CD96: variants seen among roughly 807,000 people sequenced by gnomAD.
The protein encoded by CD96 is CD96 molecule.
Under a neutral mutation model 71.3 loss-of-function variants are expected in CD96, and 70 were observed. The ratio of observed to expected loss-of-function variants is 0.98; its 90% CI spans 0.81 to 1.20. CD96 has a LOEUF of 1.20. CD96 is among the 50% of genes most tolerant of loss of function. The pLI is 0.00. For synonymous variants in CD96, 248 were observed against 233.0 expected (o/e 1.06, Z -0.59); for missense variants, 742 against 677.5 (o/e 1.10, Z -1.06).
intron 5 of CD96, chr3:111,593,904 T>C (rs1358699231): frequency 6.2e-7 from 1 of 1,613,638 alleles, no homozygotes; most frequent in Non-Finnish European, 8.5e-7. Flanking sequence ...TTCAGATGCT[T>C]CCACAGTGCA....
intron 14 of CD96, among the ~76,000 whole-genome samples, chr3:111,662,850 A>T (rs1025800641): frequency 2.6e-5 from 4 of 152,174 alleles, no homozygotes; most frequent in Non-Finnish European, 5.9e-5. Flanking sequence ...GATCCCTGCA[A>T]ACTGTTCCAA....
chr3:111,624,226 T>A (rs907871569), intron 9 of CD96, 107 bp from the exon 10 acceptor site: 8 of 806,826 alleles, frequency 9.9e-6, no homozygotes, highest in African/African-American at 1.7e-5. Context: ...CATTTTCAAT[T>A]TCAGATTTCC....
intron 5 of CD96, among the ~76,000 whole-genome samples, chr3:111,586,698 A>T (rs1441841480): frequency 6.6e-6 from 1 of 152,166 alleles, no homozygotes. Context: ...ACTCCCCCTT[A>T]TAATAACCAT....
chr3:111,543,508 TA>T (rs1559705944), intron 1 of CD96, among the ~76,000 whole-genome samples: 2 of 152,214 alleles, frequency 1.3e-5, no homozygotes, highest in African/African-American at 4.8e-5. Flanking sequence ...TTTCTTACTC[TA>T]ATCAACTAGA....
intron 3 of CD96, among the ~76,000 whole-genome samples, chr3:111,570,324 G>C (rs1224062423): frequency 1.3e-5 from 2 of 152,078 alleles, no homozygotes; most frequent in Non-Finnish European, 2.9e-5. Context: ...GGGAGTCGAG[G>C]CATTGGGGGG....
At position 111,623,786 on chromosome 3, in the gene CD96, G is replaced by C; in HGVS notation, c.1213G>C (p.Asp405His). Residue 405 changes from aspartate to histidine, a missense_variant, in exon 9 of 14, where the codon GAT becomes CAT. Physicochemically the swap from Asp to His is moderately conservative, Grantham distance 81 (BLOSUM62 -1). Transcript: ENST00000352690. ...YPATSSVTLV[D>H]VSALRPNTTP... ...AGCTACATCTTCAGTGACCCTTGTA[G>C]ATGTGAGTGCCTTGAGGCCAAACAC... 1 of 1,612,470 alleles carries C rather than the reference G, an allele frequency of 6.2e-7. No homozygotes were observed. The highest frequency in any genetic ancestry group is 1.1e-5 in the South Asian group (1 of 91,040).
At chr3:111,575,418 G>A (rs1243693465) in intron 3 of CD96, among the ~76,000 whole-genome samples, 3 of 152,170 alleles carry the variant, frequency 2.0e-5, no homozygotes, top group East Asian at 1.9e-4. Context: ...AAGGCAGACT[G>A]TTGCTTGTGT....
At chr3:111,580,459 ACAAT>A (rs1936414770) in intron 4 of CD96, among the ~76,000 whole-genome samples, 1 of 73,910 alleles carries the variant, frequency 1.4e-5, no homozygotes, top group Non-Finnish European at 3.0e-5. Flanking sequence ...AGGTGGATAG[ACAAT>A]TAATTATTTT....
chr3:111,663,598 A>T (rs948589687), intron 14 of CD96, among the ~76,000 whole-genome samples: 1 of 152,230 alleles, frequency 6.6e-6, no homozygotes, highest in Non-Finnish European at 1.5e-5. Context: ...CAAGTGGCCA[A>T]CAAACATGAA....
chr3:111,569,568 C>T (rs1041286068), intron 3 of CD96, among the ~76,000 whole-genome samples: 3 of 152,170 alleles, frequency 2.0e-5, no homozygotes, highest in Admixed American at 6.5e-5. Flanking sequence ...TATTTTCCAC[C>T]AACAGAGCAG....
At chr3:111,659,097 C>T (rs1453840235) in intron 14 of CD96, among the ~76,000 whole-genome samples, 1 of 152,164 alleles carries the variant, frequency 6.6e-6, no homozygotes, top group Non-Finnish European at 1.5e-5. Context: ...TCAATTGCTT[C>T]CTGATTTAAT....
At chr3:111,624,465 T>C (rs1938653242) in intron 10 of CD96, 61 bp downstream of exon 10, 1 of 916,548 alleles carries the variant, frequency 1.1e-6, no homozygotes, top group Middle Eastern at 2.1e-4. Flanking sequence ...CCGACAGATA[T>C]ATTGAACGAC....
In CD96 at chr3:111,624,325, T is replaced by C; in HGVS notation, c.1250-8T>C. On this transcript the variant is annotated splice_region_variant and splice_polypyrimidine_tract_variant and intron_variant, in intron 9 of 13. Transcript: ENST00000352690. ...AAGCTGGATTCTGAAAATAATTTTG[T>C]CTTTCAGCCAGCAATTCCAGTATGA... 6.3e-7 allele frequency: 1 copy of C among 1,596,780 alleles called. No individual in the cohort carries two copies. The highest frequency in any genetic ancestry group is 8.6e-7 in the Non-Finnish European group (1 of 1,164,298).
At chr3:111,605,547 G>C (rs541983804) in intron 7 of CD96, among the ~76,000 whole-genome samples, 4 of 152,136 alleles carry the variant, frequency 2.6e-5, no homozygotes, top group Non-Finnish European at 4.4e-5. Flanking sequence ...TGAAGAAAAA[G>C]GATGGTCATT....
intron 3 of CD96, among the ~76,000 whole-genome samples, chr3:111,575,211 C>T (rs1936169441): frequency 6.6e-6 from 1 of 152,108 alleles, no homozygotes; most frequent in Admixed American, 6.6e-5. Flanking sequence ...GTTTTCAAGA[C>T]CTGGATCTCC....
At chr3:111,596,983 G>A (rs970972948) in intron 5 of CD96, among the ~76,000 whole-genome samples, 2 of 152,188 alleles carry the variant, frequency 1.3e-5, no homozygotes, top group Admixed American at 6.5e-5. Context: ...GTAAACTTCT[G>A]TAGGATTTCA....
chr3:111,575,527 C>A (rs9876649), intron 3 of CD96, among the ~76,000 whole-genome samples: 1 of 152,192 alleles, frequency 6.6e-6, no homozygotes. Flanking sequence ...CCAACCCTTA[C>A]GGGTTGACAT....
intron 5 of CD96, among the ~76,000 whole-genome samples, chr3:111,587,657 C>T (rs73228178): frequency 0.077 from 11,771 of 152,250 alleles, 633 homozygotes; most frequent in Non-Finnish European, 0.12. Flanking sequence ...ATGAGGGCCC[C>T]GCCTGCAGCA....
At chr3:111,636,997 A>G (rs1939361335) in intron 10 of CD96, among the ~76,000 whole-genome samples, 199 bp from the exon 11 acceptor site, 2 of 152,026 alleles carry the variant, frequency 1.3e-5, no homozygotes. Context: ...CTTCCCCATT[A>G]TAGACATCTG....
Sources: gnomAD v4.1 joint callset for allele counts (sites outside exome capture counted in the v4.1 genomes callset) on GRCh38, gnomAD v4.1.1 for gene constraint, MANE v1.5 for transcripts, NCBI Gene and HGNC (gene_info 2026-07-23, HGNC 2026-07-21) for gene names.